Variants in ACO2 observed in about 807,000 individuals in gnomAD.
ACO2 encodes the protein aconitase 2, also known as aconitate hydratase, mitochondrial.
In ACO2, 31 loss-of-function variants were observed where a neutral mutation model predicts 84.5. The observed-to-expected ratio is 0.37, with a 90% confidence interval of 0.28 to 0.50. ACO2 has a LOEUF of 0.50. ACO2 is among the 20% of genes least tolerant of loss of function. The pLI, the probability that ACO2 is intolerant of heterozygous loss-of-function variation, is 0.97. For missense variants in ACO2, 685 were observed against 1,029.3 expected (o/e 0.67, Z 4.58); for synonymous variants, 414 against 412.7 (o/e 1.00, Z -0.04).
rs2066452685 is a variant in ACO2, at chr22:41,513,540, A to G, written c.525+1572A>G. 2.0e-5 allele frequency among the ~76,000 whole-genome samples: 3 copies of G among 152,010 alleles called. No homozygotes were observed. The South Asian group carries it at 6.2e-4, about 32-fold the overall frequency. On this transcript the variant is annotated intron_variant, in intron 4 of 17. Transcript: ENST00000216254. ...TCACAGCTTTCTGGTTCCTCTGTGG[A>G]GCCTCCCCGGCCCTCCCCGTGCCTG...
At chr22:41,521,480 A>G (rs889765319) in intron 9 of ACO2, 2 of 152,260 alleles carry the variant, frequency 1.3e-5, no homozygotes, top group African/African-American at 4.8e-5. Flanking sequence ...CCCCATCTGT[A>G]AAACAGGAGT....
chr22:41,528,348 A>T, intron 17 of ACO2, 131 bp from the exon 18 acceptor site: 3 of 1,324,730 alleles, frequency 2.3e-6, no homozygotes, highest in Non-Finnish European at 3.1e-6. Context: ...TCAGGCACAG[A>T]CTGGCCTAGG....
chr22:41,525,092 C>T (rs1374546794), intron 13 of ACO2, 101 bp from the exon 14 acceptor site: 3 of 1,595,506 alleles, frequency 1.9e-6, no homozygotes, highest in Non-Finnish European at 2.6e-6. Context: ...GCTCTGTTCC[C>T]TGGGAGGGGA....
intron 1 of ACO2, among the ~76,000 whole-genome samples, chr22:41,471,670 G>A (rs1171461783): frequency 6.6e-6 from 1 of 152,148 alleles, no homozygotes; most frequent in Non-Finnish European, 1.5e-5. Flanking sequence ...TTCCTTGGCT[G>A]GACCAAAGGT....
chr22:41,500,004 G>C (rs1472746370), intron 2 of ACO2, 142 bp downstream of exon 2: 1 of 1,064,392 alleles, frequency 9.4e-7, no homozygotes, highest in Non-Finnish European at 1.4e-6. Context: ...GGTTTCTGCT[G>C]AGGAAAGGCA....
At position 41,528,612 on chromosome 22, in the gene ACO2, G is replaced by A. The variant is rs1301194642; in HGVS notation, c.2342G>A (p.Ter781=). Residue 781 remains the stop codon, a stop_retained_variant, in exon 18 of 18, where the codon TGA becomes TAA. Coordinates refer to ENST00000216254, the MANE Select transcript of ACO2 (RefSeq NM_001098.3). ...ALNRMKELQQ[*] ...AACAGAATGAAGGAACTGCAACAGT[G>A]AGGGCAGTGCCTCCCCGCCCCGCCG... 1 of 1,600,158 alleles carries A rather than the reference G, an allele frequency of 6.2e-7. No homozygotes were observed. Among genetic ancestry groups the A allele is most frequent in the Admixed American group, 1.7e-5 (1 of 59,416 alleles).
chr22:41,509,815 C>CTTTTTT (rs137832), intron 3 of ACO2, among the ~76,000 whole-genome samples: 1 of 107,904 alleles, frequency 9.3e-6, no homozygotes, highest in Non-Finnish European at 1.8e-5. Flanking sequence ...AGAATATGGT[C>CTTTTTT]TTTTTTTTTT....
At chr22:41,503,989 G>T (rs549627613) in intron 2 of ACO2, among the ~76,000 whole-genome samples, 3 of 152,202 alleles carry the variant, frequency 2.0e-5, no homozygotes, top group African/African-American at 7.2e-5. Flanking sequence ...CGAGGCAGGC[G>T]GATCACTTAA....
chr22:41,515,256 C>T lies in ACO2; in HGVS notation c.526-121C>T. 3 of 1,213,524 alleles carry T rather than the reference C, an allele frequency of 2.5e-6. No homozygotes were observed. The highest frequency in any genetic ancestry group is 1.5e-5 in the African/African-American group (1 of 67,048). The allele number at this position is 1,213,524 out of a possible 1,614,324, so 75.2% of individuals were successfully genotyped here. On this transcript the variant is annotated intron_variant, in intron 4 of 17. Transcript: ENST00000216254. This position sits in a 1 kb window ranked among gnomAD's most constrained non-coding sequence, Gnocchi z 5.8. ...ACGGCCTGGATTAAATGGGGCTGCT[C>T]CTACCAGTTCCATCCTGGGAGAGTG... is the stretch of plus-strand genomic sequence containing the variant.
chr22:41,518,459 C>G, intron 7 of ACO2, 22 bp from the exon 8 acceptor site: 1 of 1,588,182 alleles, frequency 6.3e-7, no homozygotes, highest in Non-Finnish European at 8.6e-7. Flanking sequence ...CGTGCTCCAT[C>G]CCCGTCCCTT....
intron 4 of ACO2, among the ~76,000 whole-genome samples, chr22:41,513,995 C>A (rs1403628863): frequency 6.8e-6 from 1 of 146,246 alleles, no homozygotes; most frequent in Non-Finnish European, 1.6e-5. Flanking sequence ...TTCTGTGTGC[C>A]CAGCCTTCGT....
chr22:41,524,691 G>A (rs1418688009), intron 12 of ACO2, among the ~76,000 whole-genome samples, 155 bp from the exon 13 acceptor site: 6 of 152,350 alleles, frequency 3.9e-5, no homozygotes, highest in South Asian at 2.1e-4. Flanking sequence ...CCCAAAGATC[G>A]TCCTGCAGCT....
chr22:41,526,578 C>A, intron 15 of ACO2, 125 bp downstream of exon 15: 2 of 1,106,916 alleles, frequency 1.8e-6, no homozygotes, highest in East Asian at 2.6e-5. Context: ...AAGGGGACTG[C>A]TGTGGAAGGG....
At chr22:41,502,472 G>A (rs187892153) in intron 2 of ACO2, among the ~76,000 whole-genome samples, 5 of 152,332 alleles carry the variant, frequency 3.3e-5, no homozygotes, top group Non-Finnish European at 7.4e-5. Flanking sequence ...AATATAGGAC[G>A]TTGTATTTAT....
chr22:41,521,056 A>AAAAG lies in ACO2; in HGVS notation c.1138+788_1138+791dup, dbSNP rs1555889602. On this transcript the variant is annotated intron_variant, in intron 9 of 17. Coordinates refer to ENST00000216254, the MANE Select transcript of ACO2 (RefSeq NM_001098.3). ...CCTCCAAAAAAAAAAAAAAAAAAAA[A>AAAAG]AAAGAAAGAAAAGAAAAATTACTTT... 3.7e-3 allele frequency among the ~76,000 whole-genome samples: 537 copies of AAAAG among 146,984 alleles called. 7 individuals are homozygous for AAAAG. The highest frequency in any genetic ancestry group is 0.011 in the Middle Eastern group (3 of 278).
At chr22:41,492,120 G>A (rs2066275880) in intron 1 of ACO2, among the ~76,000 whole-genome samples, 1 of 152,198 alleles carries the variant, frequency 6.6e-6, no homozygotes, top group Non-Finnish European at 1.5e-5. Flanking sequence ...TACTTGCACT[G>A]TTATATTGGG....
chr22:41,476,710 A>AAAAAC (rs1308255728), intron 1 of ACO2, among the ~76,000 whole-genome samples: 6 of 152,128 alleles, frequency 3.9e-5, no homozygotes, highest in Non-Finnish European at 5.9e-5. Flanking sequence ...ACTCTGTCTC[A>AAAAAC]AAAACAAAAC....
intron 1 of ACO2, among the ~76,000 whole-genome samples, chr22:41,497,416 G>A (rs1021900786): frequency 7.9e-5 from 12 of 151,978 alleles, no homozygotes; most frequent in Admixed American, 4.6e-4. Context: ...TGGTAACAAG[G>A]TACCCTTGAA....
chr22:41,484,475 T>G (rs1166733832), intron 1 of ACO2, among the ~76,000 whole-genome samples: 1 of 152,144 alleles, frequency 6.6e-6, no homozygotes, highest in Non-Finnish European at 1.5e-5. Flanking sequence ...AAATTGTGTG[T>G]TTTATGATTT....
Sources: gnomAD v4.1 joint callset for allele counts (sites outside exome capture counted in the v4.1 genomes callset) on GRCh38, gnomAD v4.1.1 for gene constraint, Gnocchi (gnomAD v3.1) non-coding constraint, MANE v1.5 for transcripts, NCBI Gene and HGNC (gene_info 2026-07-23, HGNC 2026-07-21) for gene names.